RIMS3: variants seen among roughly 807,000 people sequenced by gnomAD.
RIMS3 encodes regulating synaptic membrane exocytosis protein 3.
A neutral mutation model predicts 29.2 loss-of-function variants in RIMS3; 15 were observed. That is an observed-to-expected ratio of 0.51 (90% CI 0.34 to 0.79). The LOEUF (loss-of-function observed/expected upper bound fraction) is 0.79, where lower values mean the gene tolerates loss of function less well. RIMS3 is among the 30% of genes least tolerant of loss of function. The pLI is 0.01. For missense variants in RIMS3, 342 were observed against 421.4 expected, an observed-to-expected ratio of 0.81 and a Z score of 1.65; for synonymous variants, 161 against 170.1, an observed-to-expected ratio of 0.95 and a Z score of 0.41.
Position 40,647,170 on chromosome 1 carries a change from C to T in RIMS3, c.-32+498G>A, listed in dbSNP as rs988326442. 5.3e-5 allele frequency among the ~76,000 whole-genome samples: 8 copies of T among 152,248 alleles called. No individual in the cohort carries two copies. The East Asian group carries it at 1.5e-3, about 29-fold the overall frequency. On this transcript the variant is annotated intron_variant, in intron 2 of 7. Transcript: ENST00000372684. Reference sequence around the variant, plus strand: ...CTGGGATTACAAGTGTGAGCTACCGCGCCCGGCCCAGATGAGAATTTTTGG... The same window carrying T: ...CTGGGATTACAAGTGTGAGCTACCGTGCCCGGCCCAGATGAGAATTTTTGG...
intron 1 of RIMS3, among the ~76,000 whole-genome samples, chr1:40,652,513 T>C (rs113128179): frequency 0.014 from 2,053 of 152,050 alleles, 21 homozygotes; most frequent in Non-Finnish European, 0.021. Flanking sequence ...CCTCAAAAGA[T>C]AGGTGAGGTT....
chr1:40,647,122 G>A (rs192692313), intron 2 of RIMS3, among the ~76,000 whole-genome samples: 24 of 152,176 alleles, frequency 1.6e-4, no homozygotes, highest in African/African-American at 5.3e-4. Context: ...CTCGTGATCT[G>A]CCCACCTCGG....
chr1:40,669,506 C>G (rs1014298226), upstream of RIMS3: 4 of 152,216 alleles, frequency 2.6e-5, no homozygotes. Flanking sequence ...GAGGAACACT[C>G]CTGATACAGC....
At chr1:40,642,803 A>T (rs1646567185) in intron 2 of RIMS3, among the ~76,000 whole-genome samples, 1 of 100,332 alleles carries the variant, frequency 1.0e-5, no homozygotes, top group East Asian at 2.3e-4. Context: ...TAAAAATACA[A>T]AAATTAGCTG....
chr1:40,641,604 G>A, intron 3 of RIMS3, 105 bp downstream of exon 3: 1 of 1,096,734 alleles, frequency 9.1e-7, no homozygotes, highest in South Asian at 1.5e-5. Context: ...CACAGTATAA[G>A]TGTCTGTGGG....
At chr1:40,658,769 T>C (rs1642307764) in intron 1 of RIMS3, among the ~76,000 whole-genome samples, 1 of 152,192 alleles carries the variant, frequency 6.6e-6, no homozygotes, top group African/African-American at 2.4e-5. Flanking sequence ...CTGCTTCAAG[T>C]TCCCTTGGCC....
Position 40,626,689 on chromosome 1 carries a change from C to T in RIMS3, c.755G>A (p.Cys252Tyr). 1.2e-6 allele frequency: 2 copies of T among 1,614,194 alleles called. No homozygotes were observed. The highest frequency in any genetic ancestry group is 1.7e-6 in the Non-Finnish European group (2 of 1,180,044). Residue 252 changes from cysteine (C) to tyrosine (Y), a missense_variant, in exon 8 of 8, where the codon TGC becomes TAC. Physicochemically the swap from Cys to Tyr is radical, Grantham distance 194 (BLOSUM62 -2). Transcript: ENST00000372684. Reference sequence around the variant, plus strand: ...CATGATCTGGGCCATGCCCATGAAGCACTTGTGGTCCATGCGGCCATAGTC... The same window carrying T: ...CATGATCTGGGCCATGCCCATGAAGTACTTGTGGTCCATGCGGCCATAGTC... ...WGDYGRMDHK[C>Y]FMGMAQIMLD...
At chr1:40,626,815 A>C in intron 7 of RIMS3, 86 bp from the exon 8 acceptor site, 1 of 1,248,274 alleles carries the variant, frequency 8.0e-7, no homozygotes, top group South Asian at 1.2e-5. Context: ...ACGTTTCAGC[A>C]GGGCACAGAT....
intron 5 of RIMS3, among the ~76,000 whole-genome samples, chr1:40,631,322 C>T (rs1007201511): frequency 1.3e-5 from 2 of 152,136 alleles, no homozygotes; most frequent in African/African-American, 4.8e-5. Context: ...TCAGGTAGTA[C>T]CGTCATCCCT....
In RIMS3 at chr1:40,626,341, C is replaced by T. The variant is rs1370303883; in HGVS notation, c.*176G>A. 26 of 664,412 alleles carry T rather than the reference C, an allele frequency of 3.9e-5. No homozygotes were observed. In the East Asian group the frequency reaches 4.9e-4, roughly 12 times the overall value. 41.2% of individuals were successfully genotyped at this position (664,412 alleles called of 1,614,324 possible). The stretch of plus-strand genomic sequence containing the variant: ...GTGGTCACGTACACACACACACACA[C>T]GCACGCACACACGCACACACTACAG... On this transcript the variant is annotated 3_prime_UTR_variant, in exon 8 of 8. Coordinates refer to ENST00000372684, the MANE Select transcript of RIMS3 (RefSeq NM_014747.3).
chr1:40,623,290 T>TC lies in RIMS3; in HGVS notation c.*3226dup. 1 of 397,804 alleles carries TC rather than the reference T, an allele frequency of 2.5e-6. No homozygotes were observed. Among genetic ancestry groups the TC allele is most frequent in the Non-Finnish European group, 4.4e-6 (1 of 225,904 alleles). The allele number at this position is 397,804 out of a possible 1,614,324, so 24.6% of individuals were successfully genotyped here. On this transcript the variant is annotated 3_prime_UTR_variant, in exon 8 of 8. Coordinates refer to ENST00000372684, the MANE Select transcript of RIMS3 (RefSeq NM_014747.3). ...ATGATTCTTCCCTGAAGGATCAAGT[T>TC]CCCCTTGTCAAACCAAGACTTGGCT... is the stretch of plus-strand genomic sequence containing the variant.
chr1:40,689,990 A>G, the RIMS3 span, among the ~76,000 whole-genome samples: 1 of 152,132 alleles, frequency 6.6e-6, no homozygotes, highest in Non-Finnish European at 1.5e-5. Context: ...ATGCTTGAGC[A>G]CTACTTGTTG....
chr1:40,653,053 G>A (rs774868818), intron 1 of RIMS3, among the ~76,000 whole-genome samples: 2 of 152,190 alleles, frequency 1.3e-5, no homozygotes, highest in Admixed American at 6.5e-5. Context: ...AGGTCCTAGC[G>A]GAAAAAGCCT....
chr1:40,660,933 C>T (rs1642343144), intron 1 of RIMS3, among the ~76,000 whole-genome samples: 1 of 152,018 alleles, frequency 6.6e-6, no homozygotes, highest in East Asian at 1.9e-4. Flanking sequence ...GATTTGGCTC[C>T]CCATCTCCTG....
chr1:40,671,595 T>TTGCTCC, the RIMS3 span, among the ~76,000 whole-genome samples: 1 of 152,100 alleles, frequency 6.6e-6, no homozygotes, highest in East Asian at 1.9e-4. Context: ...CCACTCTGTC[T>TTGCTCC]TGCTCCTGCT....
intron 7 of RIMS3, among the ~76,000 whole-genome samples, chr1:40,626,953 A>T (rs1023464914): frequency 1.3e-5 from 2 of 152,242 alleles, no homozygotes; most frequent in Non-Finnish European, 2.9e-5. Context: ...CAAGCCATGT[A>T]GGTAGGGGTG....
chr1:40,660,359 C>T (rs1642334437), intron 1 of RIMS3, among the ~76,000 whole-genome samples: 1 of 151,158 alleles, frequency 6.6e-6, no homozygotes, highest in Admixed American at 6.6e-5. Flanking sequence ...GCAGTCACAC[C>T]TGCAGATTGT....
chr1:40,653,001 T>A (rs1393924568), intron 1 of RIMS3, among the ~76,000 whole-genome samples: 1 of 152,050 alleles, frequency 6.6e-6, no homozygotes, highest in Non-Finnish European at 1.5e-5. Flanking sequence ...CAAGGTGATT[T>A]ACAGGAAGGA....
chr1:40,688,817 G>C, the RIMS3 span, among the ~76,000 whole-genome samples: 1 of 152,176 alleles, frequency 6.6e-6, no homozygotes, highest in Admixed American at 6.5e-5. Context: ...TGCCATGGCT[G>C]AGCAAGCCCT....
Sources: gnomAD v4.1 joint callset for allele counts (sites outside exome capture counted in the v4.1 genomes callset) on GRCh38, gnomAD v4.1.1 for gene constraint, MANE v1.5 for transcripts, NCBI Gene and HGNC (gene_info 2026-07-23, HGNC 2026-07-21) for gene names.